The following ANKRD30A variants were observed in gnomAD, a reference collection of about 807,000 sequenced individuals.
ANKRD30A encodes ankyrin repeat domain 30A.
Under a neutral mutation model 166.3 loss-of-function variants are expected in ANKRD30A, and 170 were observed. The observed-to-expected ratio is 1.02, with a 90% CI of 0.90 to 1.16. The LOEUF (loss-of-function observed/expected upper bound fraction) is 1.16. ANKRD30A is among the 50% of genes most tolerant of loss of function. The pLI, the probability that ANKRD30A is intolerant of heterozygous loss-of-function variation, is 0.00. For missense variants in ANKRD30A, 1,630 were observed against 1,518.0 expected (o/e 1.07, Z -1.23); for synonymous variants, 564 against 508.9 (o/e 1.11, Z -1.46).
intron 25 of ANKRD30A, among the ~76,000 whole-genome samples, chr10:37,192,810 TCA>T (rs539260088): frequency 1.1e-3 from 165 of 152,200 alleles, no homozygotes; most frequent in Non-Finnish European, 2.0e-3. Flanking sequence ...TTAGTTATTG[TCA>T]CCTTAAATAT....
intron 11 of ANKRD30A, among the ~76,000 whole-genome samples, chr10:37,151,790 G>C (rs558127560): frequency 6.6e-6 from 1 of 152,156 alleles, no homozygotes; most frequent in East Asian, 1.9e-4. Flanking sequence ...AGGAGAAGAG[G>C]ATATGACTGC....
chr10:37,125,613 G>A lies in ANKRD30A; in HGVS notation c.-175G>A, dbSNP rs370351587. On this transcript the variant is annotated 5_prime_UTR_variant, in exon 1 of 36. Transcript: ENST00000361713. ...GCTGGCTAACGGCTCTGCTCAGCGC[G>A]ATTCTACTGAGAGAGGCCTGAGTGT... 2.0e-5 allele frequency among the ~76,000 whole-genome samples: 3 copies of A among 151,590 alleles called. No homozygotes were observed. The East Asian group carries it at 5.9e-4, about 30-fold the overall frequency.
chr10:37,159,741 G>A (rs760920035), intron 15 of ANKRD30A, among the ~76,000 whole-genome samples: 7 of 151,838 alleles, frequency 4.6e-5, no homozygotes, highest in Non-Finnish European at 1.0e-4. Context: ...GATCACCCAG[G>A]CTGGAGTGCC....
Position 37,153,671 on chromosome 10 carries a change from C to G in ANKRD30A, c.1798+9C>G. 1 of 1,610,184 alleles carries G rather than the reference C, an allele frequency of 6.2e-7. No individual in the cohort carries two copies. The highest frequency in any genetic ancestry group is 8.5e-7 in the Non-Finnish European group (1 of 1,179,004). On this transcript the variant is annotated intron_variant, in intron 13 of 35. Transcript: ENST00000361713. ...AAATGGAAAATTAGAAGGTAAGAACCGTTTTTTATTTAAAAATCAGTTGAC... is the reference window on the plus strand; with the variant it reads ...AAATGGAAAATTAGAAGGTAAGAACGGTTTTTTATTTAAAAATCAGTTGAC...
intron 30 of ANKRD30A, among the ~76,000 whole-genome samples, chr10:37,200,407 A>G (rs1240813703): frequency 6.6e-6 from 1 of 152,052 alleles, no homozygotes; most frequent in Non-Finnish European, 1.5e-5. Flanking sequence ...TCCCTTTATG[A>G]CAGTCAAGCT....
intron 32 of ANKRD30A, among the ~76,000 whole-genome samples, chr10:37,217,494 A>G (rs151171904): frequency 1.3e-5 from 2 of 151,042 alleles, no homozygotes; most frequent in African/African-American, 4.8e-5. Flanking sequence ...TAACTGGAAG[A>G]TGTTCTTTTC....
chr10:37,151,187 CT>C (rs1837908378), intron 11 of ANKRD30A, among the ~76,000 whole-genome samples: 1 of 152,010 alleles, frequency 6.6e-6, no homozygotes, highest in South Asian at 2.1e-4. Context: ...GCTTTTTTTC[CT>C]CAACCTGATT....
chr10:37,208,483 T>G (rs1288873831), intron 31 of ANKRD30A, among the ~76,000 whole-genome samples: 3 of 152,106 alleles, frequency 2.0e-5, no homozygotes, highest in Non-Finnish European at 4.4e-5. Flanking sequence ...TGGTCACCAT[T>G]TGTTGGCTGG....
At chr10:37,244,124 G>C in the ANKRD30A span, among the ~76,000 whole-genome samples, 1 of 152,188 alleles carries the variant, frequency 6.6e-6, no homozygotes, top group Non-Finnish European at 1.5e-5. Context: ...CAGGTTTGCA[G>C]ATGGCAGGAG....
intron 11 of ANKRD30A, among the ~76,000 whole-genome samples, chr10:37,151,819 A>G (rs1168095685): frequency 2.0e-5 from 3 of 152,158 alleles, no homozygotes; most frequent in Non-Finnish European, 4.4e-5. Flanking sequence ...GAAATAATCC[A>G]TACAAGTTAA....
chr10:37,134,754 G>A (rs1280707612), intron 5 of ANKRD30A, among the ~76,000 whole-genome samples: 2 of 152,128 alleles, frequency 1.3e-5, no homozygotes, highest in African/African-American at 4.8e-5. Flanking sequence ...ATCTTAGCCT[G>A]GACTTGGCCT....
intron 13 of ANKRD30A, 66 bp downstream of exon 13, chr10:37,153,728 A>G (rs1190618657): frequency 1.3e-6 from 2 of 1,584,184 alleles, no homozygotes; most frequent in Admixed American, 1.7e-5. Flanking sequence ...GAGGAGGGAT[A>G]TCCTCTAGTA....
chr10:37,183,300 A>T (rs2132642499), intron 24 of ANKRD30A, among the ~76,000 whole-genome samples: 1 of 145,904 alleles, frequency 6.9e-6, no homozygotes, highest in South Asian at 2.2e-4. Context: ...TTTTTAGAAA[A>T]TATCAGTAAA....
chr10:37,131,732 G>A lies in ANKRD30A; in HGVS notation c.511-508G>A, dbSNP rs76881056. The stretch of plus-strand genomic sequence containing the variant: ...AAAATATATTGTCAAATAAGGAATA[G>A]TCAAAGTTCAAGTCATTTATTGAAT... On this transcript the variant is annotated intron_variant, in intron 3 of 35. Coordinates refer to ENST00000361713, the MANE Select transcript of ANKRD30A (RefSeq NM_052997.3). 3.8e-3 allele frequency among the ~76,000 whole-genome samples: 581 copies of A among 152,282 alleles called. 4 individuals carry two copies. The highest frequency in any genetic ancestry group is 0.013 in the African/African-American group (551 of 41,568).
intron 13 of ANKRD30A, among the ~76,000 whole-genome samples, chr10:37,154,951 T>C (rs1838249695): frequency 6.6e-6 from 1 of 152,222 alleles, no homozygotes; most frequent in Non-Finnish European, 1.5e-5. Flanking sequence ...GTTGTTGATA[T>C]TCACAATTTG....
intron 21 of ANKRD30A, among the ~76,000 whole-genome samples, chr10:37,171,692 T>C (rs17606513): frequency 0.017 from 2,423 of 142,562 alleles, 89 homozygotes; most frequent in African/African-American, 0.031. Flanking sequence ...TGAGTCTTTT[T>C]TCTCTTTTTC....
intron 12 of ANKRD30A, 71 bp downstream of exon 12, chr10:37,152,192 G>A: frequency 7.6e-7 from 1 of 1,323,398 alleles, no homozygotes; most frequent in Non-Finnish European, 1.1e-6. Context: ...CAGAGGCTTA[G>A]GCTTTATTTT....
At chr10:37,211,166 G>A (rs1842291118) in intron 31 of ANKRD30A, among the ~76,000 whole-genome samples, 2 of 151,530 alleles carry the variant, frequency 1.3e-5, no homozygotes, top group Admixed American at 1.3e-4. Flanking sequence ...TATACTTTAA[G>A]TTTTAGGGTA....
chr10:37,178,197 A>G lies in ANKRD30A; in HGVS notation c.2421+1979A>G, dbSNP rs1457393006. Among the ~76,000 whole-genome samples the G allele has an allele frequency of 9.9e-5, 15 of 151,418 alleles. 2 individuals are homozygous for G. Among genetic ancestry groups the G allele is most frequent in the Non-Finnish European group, 1.9e-4 (13 of 67,552 alleles). On this transcript the variant is annotated intron_variant, in intron 24 of 35. Coordinates refer to ENST00000361713, the MANE Select transcript of ANKRD30A (RefSeq NM_052997.3). ...TGACCTTCTAGAATCAAAATTTACC[A>G]GAGAATTACAGCAAAAATATTCTGA...
Sources: allele counts gnomAD v4.1 joint callset (sites outside exome capture counted in the v4.1 genomes callset), GRCh38; gene constraint gnomAD v4.1.1; transcripts MANE v1.5; gene names NCBI Gene and HGNC (gene_info 2026-07-23, HGNC 2026-07-21).